NUP133: variants seen among roughly 807,000 people sequenced by gnomAD.
NUP133 encodes the protein nucleoporin 133, also known as nuclear pore complex protein Nup133.
A neutral mutation model predicts 146.2 loss-of-function variants in NUP133; 66 were observed. That is an observed-to-expected ratio of 0.45 (90% CI 0.37 to 0.55). The LOEUF (loss-of-function observed/expected upper bound fraction) is 0.55. Among genes scored for constraint, NUP133 ranks in the 20% least tolerant of loss-of-function variants. The probability of loss-of-function intolerance (pLI) is 0.00; values close to 1 mark genes in which losing one functional copy is unlikely to be tolerated. For missense variants in NUP133, 1,277 were observed against 1,374.8 expected (o/e 0.93, Z 1.12); for synonymous variants, 521 against 498.8 (o/e 1.04, Z -0.59).
chr1:229,449,306 A>G, intron 23 of NUP133, 116 bp from the exon 24 acceptor site: 2 of 642,292 alleles, frequency 3.1e-6, no homozygotes, highest in Non-Finnish European at 5.4e-6. Flanking sequence ...TCTATGAATT[A>G]CTTTCAGGTT....
intron 24 of NUP133, among the ~76,000 whole-genome samples, chr1:229,447,532 A>G (rs1306573753): frequency 6.6e-6 from 1 of 151,682 alleles, no homozygotes; most frequent in African/African-American, 2.4e-5. Flanking sequence ...GCTTCAGGAT[A>G]GGGGCTGGTC....
chr1:229,448,165 A>T (rs1024205893), intron 24 of NUP133, among the ~76,000 whole-genome samples: 1 of 152,264 alleles, frequency 6.6e-6, no homozygotes, highest in Admixed American at 6.5e-5. Context: ...GTGGTGGCTC[A>T]CGCCTGTAAT....
chr1:229,476,901 G>A (rs1385700894), intron 13 of NUP133, among the ~76,000 whole-genome samples: 1 of 143,624 alleles, frequency 7.0e-6, no homozygotes, highest in Non-Finnish European at 1.5e-5. Context: ...TCCAGTCTGG[G>A]TGACAAAGTA....
chr1:229,490,015 AT>A lies in NUP133; in HGVS notation c.1133del (p.Asn378MetfsTer11), dbSNP rs1212580149. On this transcript the variant is annotated frameshift_variant, in exon 9 of 26. Transcript: ENST00000261396. LOFTEE classifies it high-confidence loss of function. ...TAACTGCATCTGACATTTGGCAACCATTATCTTCTATTGTTATCAGAGAGTA... is the reference window on the plus strand; with the variant it reads ...TAACTGCATCTGACATTTGGCAACCATATCTTCTATTGTTATCAGAGAGTA... ...IYYSLITIED[N>X]GCQMSDAVTV... is the part of the protein sequence containing the mutation. 6.2e-7 allele frequency: 1 copy of A among 1,611,838 alleles called. No individual in the cohort carries two copies. Among genetic ancestry groups the A allele is most frequent in the Non-Finnish European group, 8.5e-7 (1 of 1,178,618 alleles).
chr1:229,491,953 T>A (rs780485593), intron 8 of NUP133, among the ~76,000 whole-genome samples: 5 of 152,176 alleles, frequency 3.3e-5, no homozygotes, highest in Admixed American at 2.6e-4. Context: ...TAGCCATTGG[T>A]TATAGAAATT....
intron 9 of NUP133, among the ~76,000 whole-genome samples, chr1:229,488,738 C>T (rs1435119407): frequency 6.6e-6 from 1 of 151,630 alleles, no homozygotes; most frequent in Non-Finnish European, 1.5e-5. Context: ...GTAATCCCAG[C>T]TACCTGAGAG....
chr1:229,483,599 G>A (rs1661271896), intron 12 of NUP133, among the ~76,000 whole-genome samples: 1 of 151,554 alleles, frequency 6.6e-6, no homozygotes, highest in Non-Finnish European at 1.5e-5. Context: ...CAGCTACTTG[G>A]GAGGCTGAGG....
At position 229,466,688 on chromosome 1, in the gene NUP133, A is replaced by G; in HGVS notation, c.2145T>C (p.Pro715=). Residue 715 remains proline, a synonymous_variant, in exon 16 of 26, where the codon CCT becomes CCC. Transcript: ENST00000261396. ...EHEEQVLRDA[P]MDSIEWAEVV... is the part of the protein sequence containing the mutation. ...CTTCAGCCCATTCAATGGAATCCATAGGTGCATCCCTCAAGACTTGCTCCT... is the reference window on the plus strand; with the variant it reads ...CTTCAGCCCATTCAATGGAATCCATGGGTGCATCCCTCAAGACTTGCTCCT... 6.2e-7 allele frequency: 1 copy of G among 1,613,978 alleles called. No individual in the cohort carries two copies. Among genetic ancestry groups the G allele is most frequent in the Non-Finnish European group, 8.5e-7 (1 of 1,179,858 alleles).
chr1:229,442,433 G>C (rs115720556), intron 25 of NUP133, among the ~76,000 whole-genome samples: 96 of 152,284 alleles, frequency 6.3e-4, no homozygotes, highest in African/African-American at 2.2e-3. Context: ...TGTGTTTACA[G>C]TATAAATCTA....
At chr1:229,500,982 C>A (rs1356232273) in intron 3 of NUP133, 119 bp from the exon 4 acceptor site, 8 of 595,324 alleles carry the variant, frequency 1.3e-5, no homozygotes, top group Non-Finnish European at 2.1e-5. Context: ...CACCATTCTA[C>A]AAATATTCTT....
intron 20 of NUP133, among the ~76,000 whole-genome samples, chr1:229,460,098 T>C (rs1276866233): frequency 6.6e-6 from 1 of 152,220 alleles, no homozygotes; most frequent in African/African-American, 2.4e-5. Flanking sequence ...AAATTTGCAT[T>C]TCCCTAATGA....
At chr1:229,502,134 T>G (rs2381108) in intron 2 of NUP133, 32 bp from the exon 3 acceptor site, 298,962 of 1,493,992 alleles carry the variant, frequency 0.2, 30,834 homozygotes, top group Middle Eastern at 0.25. Flanking sequence ...GTGATTAATC[T>G]TATAGTATAA....
chr1:229,499,927 G>C, intron 4 of NUP133, 109 bp from the exon 5 acceptor site: 3 of 1,291,080 alleles, frequency 2.3e-6, no homozygotes, highest in Non-Finnish European at 3.2e-6. Flanking sequence ...ATTTGATCAA[G>C]AAAAATCAGA....
rs58951309 is a variant in NUP133, at chr1:229,472,707, C to CATACATACATATATATAT, written c.1852-1904_1852-1903insATATATATATGTATGTAT. Among the ~76,000 whole-genome samples the CATACATACATATATATAT allele has an allele frequency of 7.1e-3, 878 of 124,278 alleles. 44 individuals are homozygous for CATACATACATATATATAT. Among genetic ancestry groups the CATACATACATATATATAT allele is most frequent in the African/African-American group, 0.026 (822 of 31,956 alleles). 81.5% of individuals were successfully genotyped at this position (124,278 alleles called of 152,430 possible). The stretch of plus-strand genomic sequence containing the variant: ...CAAAAAAATTAAAAAACTAAATATA[C>CATACATACATATATATAT]ATATATATATATATATATATGTACA... On this transcript the variant is annotated intron_variant, in intron 14 of 25. Transcript: ENST00000261396.
At position 229,464,630 on chromosome 1, in the gene NUP133, G is replaced by A. The variant is rs772200370; in HGVS notation, c.2545C>T (p.Pro849Ser). ...CCAAGTATCATGAACTTACGAAGAG[G>A]AGATAAGAGATCTGATCTTTTCTGT... Reference protein sequence around the residue: ...YLQKRSDLLSPLLSLGQYLWA... With the variant: ...YLQKRSDLLSSLLSLGQYLWA... The change falls in exon 18 of 26, where the codon CCT becomes TCT. Residue 849 changes from proline (P) to serine (S), a missense_variant. Pro to Ser is a moderately conservative substitution (Grantham distance 74). This residue lies in a region of NUP133 where 952 missense variants were observed against 1,047.0 expected (regional missense o/e 0.91). Transcript: ENST00000261396. 15 of 1,613,890 alleles carry A rather than the reference G, an allele frequency of 9.3e-6. No homozygotes were observed. Among genetic ancestry groups the A allele is most frequent in the Non-Finnish European group, 1.3e-5 (15 of 1,179,878 alleles).
chr1:229,465,904 A>G (rs1471883990), intron 16 of NUP133, among the ~76,000 whole-genome samples: 1 of 151,552 alleles, frequency 6.6e-6, no homozygotes, highest in Non-Finnish European at 1.5e-5. Flanking sequence ...AAAAAAAAAA[A>G]AAAAAGAAAA....
At position 229,444,445 on chromosome 1, in the gene NUP133, T is replaced by TGCCCTTAAA. The variant is rs1162425313; in HGVS notation, c.3334+460_3334+468dup. Reference sequence around the variant, plus strand: ...CTAAGAATAACAAAAACTGCAAAGCTGCCCTTAAATATTAGTGCTAGATAC... The same window carrying TGCCCTTAAA: ...CTAAGAATAACAAAAACTGCAAAGCTGCCCTTAAAGCCCTTAAATATTAGTGCTAGATAC... On this transcript the variant is annotated intron_variant, in intron 25 of 25. Transcript: ENST00000261396. Among the ~76,000 whole-genome samples, 4 of 152,356 alleles carry TGCCCTTAAA rather than the reference T, an allele frequency of 2.6e-5. No homozygotes were observed. In the East Asian group the frequency reaches 7.7e-4, roughly 29 times the overall value.
intron 19 of NUP133, among the ~76,000 whole-genome samples, 178 bp downstream of exon 19, chr1:229,463,365 G>A (rs190431319): frequency 3.3e-5 from 5 of 152,200 alleles, no homozygotes; most frequent in African/African-American, 7.2e-5. Flanking sequence ...CTGTGATCTC[G>A]CTACTGGACA....
At chr1:229,477,541 A>G (rs1337066294) in intron 13 of NUP133, 56 bp downstream of exon 13, 3 of 1,415,700 alleles carry the variant, frequency 2.1e-6, no homozygotes, top group Non-Finnish European at 2.9e-6. Flanking sequence ...GATGCTTCTA[A>G]TAAAGAAACC....
Sources: gnomAD v4.1 joint callset for allele counts (sites outside exome capture counted in the v4.1 genomes callset) on GRCh38, gnomAD v4.1.1 for gene constraint, gnomAD v4.1.1 regional missense constraint, MANE v1.5 for transcripts, NCBI Gene and HGNC (gene_info 2026-07-23, HGNC 2026-07-21) for gene names.